CEP164: variants seen among roughly 807,000 people sequenced by gnomAD.
CEP164 encodes the protein centrosomal protein 164, also known as centrosomal protein of 164 kDa.
CEP164 carries 162 observed loss-of-function variants against 182.7 expected under a neutral mutation model. The ratio of observed to expected loss-of-function variants is 0.89; its 90% confidence interval spans 0.78 to 1.01. The LOEUF is 1.01. Ranked by LOEUF, CEP164 falls within the 50% of genes least tolerant of loss-of-function variation. CEP164 has a pLI of 0.00. For missense variants in CEP164, 1,735 were observed against 1,790.4 expected (o/e 0.97, Z 0.56); for synonymous variants, 661 against 690.0 (o/e 0.96, Z 0.66).
chr11:117,373,912 A>G, intron 10 of CEP164, 81 bp downstream of exon 10: 1 of 1,211,572 alleles, frequency 8.3e-7, no homozygotes, highest in African/African-American at 1.5e-5. Flanking sequence ...TTTGCCTAGC[A>G]TCACGCAGCT....
At chr11:117,380,764 C>T in intron 12 of CEP164, 59 bp downstream of exon 12, 7 of 1,499,182 alleles carry the variant, frequency 4.7e-6, no homozygotes, top group Non-Finnish European at 5.4e-6. Context: ...TGGACTTGGG[C>T]AGAATTCTTG....
chr11:117,329,413 C>G (rs75013797), intron 1 of CEP164, among the ~76,000 whole-genome samples: 1 of 152,170 alleles, frequency 6.6e-6, no homozygotes, highest in African/African-American at 2.4e-5. Context: ...TGTCTTGCCA[C>G]TCCTCCCACT....
In CEP164 at chr11:117,333,200, G is replaced by C. The variant is rs569410647; in HGVS notation, c.-97-2405G>C. ...GCTGATATTTTTAATTTTTTGTAGA[G>C]ACGGTCTCACTATGTTGACCCAGCT... On this transcript the variant is annotated intron_variant, in intron 1 of 32. Coordinates refer to ENST00000278935, the MANE Select transcript of CEP164 (RefSeq NM_014956.5). Among the ~76,000 whole-genome samples, 4 of 70,498 alleles carry C rather than the reference G, an allele frequency of 5.7e-5. 1 individual carries two copies. The South Asian group carries it at 2.1e-3, about 38-fold the overall frequency. The allele number at this position is 70,498 out of a possible 152,430, so 46.2% of individuals were successfully genotyped here.
upstream of CEP164, among the ~76,000 whole-genome samples, chr11:117,326,222 T>A (rs997121996): frequency 2.7e-5 from 4 of 150,308 alleles, no homozygotes; most frequent in African/African-American, 9.8e-5. Flanking sequence ...AAGTAGGAAT[T>A]TTTATTTTAT....
chr11:117,352,379 CAG>C (rs987490491), intron 5 of CEP164, among the ~76,000 whole-genome samples: 3 of 152,118 alleles, frequency 2.0e-5, no homozygotes, highest in African/African-American at 7.2e-5. Context: ...TCTCTTTATT[CAG>C]AGTCAGGCCT....
In CEP164 at chr11:117,409,744, C is replaced by T. The variant is rs745639279; in HGVS notation, c.3875C>T (p.Pro1292Leu). The T allele has an allele frequency of 8.7e-6, 14 of 1,613,970 alleles. No individual in the cohort carries two copies. The highest frequency in any genetic ancestry group is 4.5e-5 in the East Asian group (2 of 44,890). The change falls in exon 30 of 33, where the codon CCG becomes CTG. Residue 1292 changes from proline (P) to leucine (L), a missense_variant. Pro to Leu is a moderately conservative substitution (Grantham distance 98). Coordinates refer to ENST00000278935, the MANE Select transcript of CEP164 (RefSeq NM_014956.5). The surrounding 1 kb of genome is among the most constrained non-coding windows in gnomAD (Gnocchi z 4.4). ...LDSLNPQSPP[P>L]LLASMPAQLP... ...AGCCTCAACCCTCAGTCGCCGCCGC[C>T]GCTCCTCGCCTCCATGCCAGCCCAG...
chr11:117,396,437 C>G, intron 25 of CEP164, 113 bp from the exon 26 acceptor site: 3 of 911,378 alleles, frequency 3.3e-6, no homozygotes, highest in Non-Finnish European at 5.5e-6. Context: ...CAGTGCCTGG[C>G]AGCTAGAGAG....
At chr11:117,366,767 A>T (rs1480517839) in intron 8 of CEP164, among the ~76,000 whole-genome samples, 1 of 152,200 alleles carries the variant, frequency 6.6e-6, no homozygotes, top group Non-Finnish European at 1.5e-5. Context: ...CAGTGCACAG[A>T]CATAGGTTCA....
chr11:117,374,990 C>T (rs931783132), intron 10 of CEP164, among the ~76,000 whole-genome samples: 16 of 152,260 alleles, frequency 1.1e-4, no homozygotes, highest in Non-Finnish European at 1.6e-4. Context: ...CAGCAACAAA[C>T]TGGCACCAGT....
intron 4 of CEP164, among the ~76,000 whole-genome samples, chr11:117,345,337 G>A (rs1334788153): frequency 6.6e-6 from 1 of 152,144 alleles, no homozygotes; most frequent in Non-Finnish European, 1.5e-5. Context: ...TGGTGACACT[G>A]CTCTCCGTGT....
chr11:117,355,588 C>T (rs1345498970), intron 5 of CEP164: 2 of 1,207,246 alleles, frequency 1.7e-6, no homozygotes, highest in Non-Finnish European at 2.1e-6. Flanking sequence ...GTTCTTCCGG[C>T]CACATGTTGC....
chr11:117,362,969 T>A (rs1215229418), intron 7 of CEP164, among the ~76,000 whole-genome samples: 8 of 152,246 alleles, frequency 5.3e-5, no homozygotes, highest in African/African-American at 1.9e-4. Flanking sequence ...AAGCTTCATC[T>A]ATGTTGTAGC....
At chr11:117,383,253 ACT>A (rs1479915685) in intron 14 of CEP164, among the ~76,000 whole-genome samples, 2 of 152,176 alleles carry the variant, frequency 1.3e-5, no homozygotes, top group Non-Finnish European at 2.9e-5. Flanking sequence ...TCTACCAAGC[ACT>A]GTTTTTCTCT....
At chr11:117,404,453 C>G (rs576068891) in intron 27 of CEP164, among the ~76,000 whole-genome samples, 3 of 152,190 alleles carry the variant, frequency 2.0e-5, no homozygotes, top group Non-Finnish European at 2.9e-5. Flanking sequence ...CCACTCTAGA[C>G]CCTATTTGCT....
intron 2 of CEP164, chr11:117,336,116 A>G: frequency 6.6e-7 from 1 of 1,525,998 alleles, no homozygotes; most frequent in Non-Finnish European, 8.8e-7. Context: ...CACAAGGGCT[A>G]CTTTCCCCCA....
Position 117,392,876 on chromosome 11 carries a change from G to A in CEP164, c.2494-128G>A, listed in dbSNP as rs2044860343. 5 of 1,416,928 alleles carry A rather than the reference G, an allele frequency of 3.5e-6. No individual in the cohort carries two copies. In the East Asian group the frequency reaches 6.9e-5, roughly 19 times the overall value. 87.8% of individuals were successfully genotyped at this position (1,416,928 alleles called of 1,614,324 possible). On this transcript the variant is annotated intron_variant, in intron 19 of 32. Transcript: ENST00000278935. ...GTGCTGACCATGGTGTCATGGCTGTGTGATGTGCATGTGTTGTGTGTGTTG... is the reference window on the plus strand; with the variant it reads ...GTGCTGACCATGGTGTCATGGCTGTATGATGTGCATGTGTTGTGTGTGTTG...
intron 14 of CEP164, chr11:117,386,388 C>G (rs2043960232): frequency 6.6e-6 from 1 of 152,222 alleles, no homozygotes; most frequent in Non-Finnish European, 1.5e-5. Context: ...AGAAAACAAG[C>G]AAAATAACAG....
At position 117,380,867 on chromosome 11, in the gene CEP164, G is replaced by A. The variant is rs188642075; in HGVS notation, c.1409+162G>A. On this transcript the variant is annotated intron_variant, in intron 12 of 32. Transcript: ENST00000278935. ...TTGCAGGGTCTGTGTGTGCACATGCGTGTGTATATGTGTGTGCACGTGTGT... is the reference window on the plus strand; with the variant it reads ...TTGCAGGGTCTGTGTGTGCACATGCATGTGTATATGTGTGTGCACGTGTGT... Among the ~76,000 whole-genome samples, 237 of 152,356 alleles carry A rather than the reference G, an allele frequency of 1.6e-3. 2 individuals are homozygous for A. The highest frequency in any genetic ancestry group is 4.7e-3 in the African/African-American group (194 of 41,578).
rs142108558 is a variant in CEP164, at chr11:117,387,331, T to C, written c.1853T>C (p.Met618Thr). Residue 618 changes from methionine (M) to threonine (T), a missense_variant, in exon 15 of 33, where the codon ATG (methionine) becomes ACG (threonine). Transcript: ENST00000278935. ...RHLLESKQEK[M>T]QQLREKLCQE... Reference sequence around the variant, plus strand: ...CTGCTGGAATCCAAGCAAGAGAAGATGCAGCAACTGCGGGAGAAGCTGTGC... The same window carrying C: ...CTGCTGGAATCCAAGCAAGAGAAGACGCAGCAACTGCGGGAGAAGCTGTGC... 3.0e-5 allele frequency: 48 copies of C among 1,614,068 alleles called. No homozygotes were observed. In the African/African-American group the frequency reaches 5.2e-4, roughly 18 times the overall value.
Sources: allele counts gnomAD v4.1 joint callset (sites outside exome capture counted in the v4.1 genomes callset), GRCh38; gene constraint gnomAD v4.1.1; non-coding constraint Gnocchi (gnomAD v3.1); transcripts MANE v1.5; gene names NCBI Gene and HGNC (gene_info 2026-07-23, HGNC 2026-07-21).